The following LIMS1 variants were observed in gnomAD, a reference collection of about 807,000 sequenced individuals.
LIMS1 encodes the protein LIM zinc finger domain containing 1.
In LIMS1, 18 loss-of-function variants were observed where a neutral mutation model predicts 44.1. The ratio of observed to expected loss-of-function variants is 0.41; its 90% CI spans 0.28 to 0.61. LIMS1 has a LOEUF of 0.61. Ranked by LOEUF, LIMS1 falls within the 20% of genes least tolerant of loss-of-function variation. LIMS1 has a pLI of 0.32. For missense variants in LIMS1, 201 were observed against 422.0 expected (o/e 0.48, Z 4.59); for synonymous variants, 93 against 149.1 (o/e 0.62, Z 2.74).
chr2:108,623,916 G>A (rs908190229), intron 1 of LIMS1, among the ~76,000 whole-genome samples: 2 of 152,252 alleles, frequency 1.3e-5, no homozygotes, highest in African/African-American at 4.8e-5. Flanking sequence ...CGTGCTTAAA[G>A]AGCACTGTAA....
chr2:108,660,396 A>G, intron 2 of LIMS1: 1 of 445,228 alleles, frequency 2.2e-6, no homozygotes. Context: ...TGTATTTGGT[A>G]TTTTCAACAT....
chr2:108,534,614 G>A lies in LIMS1; in HGVS notation c.32+20G>A. On this transcript the variant is annotated intron_variant, in intron 1 of 9. Transcript: ENST00000544547. ...CCACAGGTACGGGCCGCACCGCGCGGCCCCCGCCACGTCCGCCCCGCAGCT... is the reference window on the plus strand; with the variant it reads ...CCACAGGTACGGGCCGCACCGCGCGACCCCCGCCACGTCCGCCCCGCAGCT... 4 of 1,121,216 alleles carry A rather than the reference G, an allele frequency of 3.6e-6. No individual in the cohort carries two copies. Among genetic ancestry groups the A allele is most frequent in the South Asian group, 4.3e-5 (1 of 23,300 alleles). 69.5% of individuals were successfully genotyped at this position (1,121,216 alleles called of 1,614,324 possible).
At chr2:108,573,330 A>G (rs1249262411) in intron 1 of LIMS1, among the ~76,000 whole-genome samples, 3 of 148,512 alleles carry the variant, frequency 2.0e-5, no homozygotes, top group African/African-American at 7.5e-5. Context: ...TCTACTGGGT[A>G]CAGTGATCTT....
At chr2:108,645,190 A>G (rs998711246) in intron 1 of LIMS1, among the ~76,000 whole-genome samples, 1 of 152,140 alleles carries the variant, frequency 6.6e-6, no homozygotes, top group Non-Finnish European at 1.5e-5. Flanking sequence ...AGGACACATA[A>G]TTTTCAGATC....
chr2:108,561,751 T>G (rs982588316), intron 1 of LIMS1, among the ~76,000 whole-genome samples: 3 of 150,980 alleles, frequency 2.0e-5, no homozygotes, highest in African/African-American at 4.9e-5. Context: ...TTTTTGTTTT[T>G]TTTTTTTTTG....
At position 108,632,331 on chromosome 2, in the gene LIMS1, G is replaced by T. The variant is rs1182674130; in HGVS notation, c.33-27274G>T. ...ATGTTTGAAAAGCAGAAAGTTAATTGCTTTTTACTTCCTAAGTACCTTGTG... is the reference window on the plus strand; with the variant it reads ...ATGTTTGAAAAGCAGAAAGTTAATTTCTTTTTACTTCCTAAGTACCTTGTG... On this transcript the variant is annotated intron_variant, in intron 1 of 9. Coordinates refer to ENST00000544547, the Ensembl canonical transcript of LIMS1. Among the ~76,000 whole-genome samples, 3 of 152,094 alleles carry T rather than the reference G, an allele frequency of 2.0e-5. No individual in the cohort carries two copies. In the East Asian group the frequency reaches 5.8e-4, roughly 29 times the overall value.
intron 1 of LIMS1, among the ~76,000 whole-genome samples, chr2:108,540,447 C>T (rs1345287310): frequency 6.6e-6 from 1 of 152,122 alleles, no homozygotes; most frequent in Non-Finnish European, 1.5e-5. Context: ...ATCTGCCCGC[C>T]TCGGCCTCCC....
chr2:108,541,407 G>A (rs74800330), intron 1 of LIMS1, among the ~76,000 whole-genome samples: 1 of 152,182 alleles, frequency 6.6e-6, no homozygotes, highest in Non-Finnish European at 1.5e-5. Flanking sequence ...ACAGCTAGCT[G>A]TTTCTCCTTC....
chr2:108,623,893 A>G (rs1482503353), intron 1 of LIMS1, among the ~76,000 whole-genome samples: 1 of 152,260 alleles, frequency 6.6e-6, no homozygotes, highest in Admixed American at 6.5e-5. Context: ...TGTGCTCTGA[A>G]ACACGAGATG....
At chr2:108,627,290 G>A (rs1374448904) in intron 1 of LIMS1, among the ~76,000 whole-genome samples, 1 of 151,970 alleles carries the variant, frequency 6.6e-6, no homozygotes, top group East Asian at 1.9e-4. Flanking sequence ...TGTATGACTA[G>A]TAGAGGGAGT....
intron 1 of LIMS1, among the ~76,000 whole-genome samples, chr2:108,569,764 C>CTTTTTTTTT (rs10596766): frequency 0.013 from 1,461 of 113,032 alleles, 49 homozygotes; most frequent in Non-Finnish European, 0.016. Flanking sequence ...CCATATCTGG[C>CTTTTTTTTT]TTTTTTTTTT....
chr2:108,534,512 C>T (rs1684047025), exon 1 of LIMS1: 5 of 1,186,412 alleles, frequency 4.2e-6, no homozygotes, highest in Non-Finnish European at 4.2e-6. Flanking sequence ...GCGGCTGGAG[C>T]GGCGCCGGGA....
intron 1 of LIMS1, among the ~76,000 whole-genome samples, chr2:108,633,822 ATTAT>A (rs1689065943): frequency 6.6e-6 from 1 of 152,212 alleles, no homozygotes; most frequent in South Asian, 2.1e-4. Flanking sequence ...TTTATTTTAT[ATTAT>A]TTAAGTAATT....
chr2:108,601,900 G>A (rs1687036679), intron 1 of LIMS1, among the ~76,000 whole-genome samples: 1 of 152,206 alleles, frequency 6.6e-6, no homozygotes, highest in Non-Finnish European at 1.5e-5. Context: ...GCTTTGAGTA[G>A]TATGGACATA....
At chr2:108,679,330 C>A (rs1398404134) in intron 8 of LIMS1, among the ~76,000 whole-genome samples, 1 of 151,708 alleles carries the variant, frequency 6.6e-6, no homozygotes, top group Non-Finnish European at 1.5e-5. Flanking sequence ...AATACAAAAA[C>A]TTAGCTGGGT....
At chr2:108,619,309 T>G (rs980885141) in intron 1 of LIMS1, among the ~76,000 whole-genome samples, 12 of 152,180 alleles carry the variant, frequency 7.9e-5, no homozygotes, top group African/African-American at 2.9e-4. Flanking sequence ...TAGGCGTCTA[T>G]TCTGTGTTGA....
intron 1 of LIMS1, chr2:108,588,283 C>G (rs1686202772): frequency 1.0e-6 from 1 of 977,134 alleles, no homozygotes; most frequent in East Asian, 1.1e-4. Context: ...AAAAAAAAAC[C>G]CTGAACTTGG....
intron 1 of LIMS1, among the ~76,000 whole-genome samples, chr2:108,646,313 A>G (rs1231950484): frequency 6.6e-6 from 1 of 152,228 alleles, no homozygotes; most frequent in Non-Finnish European, 1.5e-5. Context: ...AGTAGAACTC[A>G]GGACTAAGAA....
chr2:108,628,909 CTTCCGAGT>C (rs1165844983), intron 1 of LIMS1, among the ~76,000 whole-genome samples: 1 of 152,236 alleles, frequency 6.6e-6, no homozygotes, highest in Non-Finnish European at 1.5e-5. Flanking sequence ...GATCCTCAGC[CTTCCGAGT>C]AGCTGAGACT....
Sources: allele counts gnomAD v4.1 joint callset (sites outside exome capture counted in the v4.1 genomes callset), GRCh38; gene constraint gnomAD v4.1.1; transcripts MANE v1.5; gene names NCBI Gene and HGNC (gene_info 2026-07-23, HGNC 2026-07-21).